Variants in MAST3 observed in about 807,000 individuals in gnomAD.
MAST3 encodes microtubule associated serine/threonine kinase 3, also known as microtubule-associated serine/threonine-protein kinase 3.
Under a neutral mutation model 127.0 loss-of-function variants are expected in MAST3, and 43 were observed. The observed-to-expected ratio is 0.34, with a 90% CI of 0.27 to 0.44. The LOEUF is 0.44. MAST3 is among the 20% of genes least tolerant of loss of function. MAST3 has a pLI of 1.00. For synonymous variants in MAST3, 785 were observed against 809.2 expected (o/e 0.97, Z 0.51); for missense variants, 1,390 against 1,919.1 (o/e 0.72, Z 5.15).
chr19:18,146,015 A>T (rs2042982263), intron 25 of MAST3, 150 bp downstream of exon 25: 1 of 1,019,054 alleles, frequency 9.8e-7, no homozygotes, highest in Non-Finnish European at 1.4e-6. Flanking sequence ...GGCCCAGAAT[A>T]CATGTCCTTC....
chr19:18,122,055 G>A, intron 5 of MAST3, 133 bp downstream of exon 5: 1 of 1,481,582 alleles, frequency 6.7e-7, no homozygotes, highest in Non-Finnish European at 9.0e-7. Flanking sequence ...CCCGTCTGGT[G>A]GTGGTCTCCC....
At chr19:18,135,917 C>T (rs749002338) in intron 18 of MAST3, 76 bp downstream of exon 18, 12 of 1,154,402 alleles carry the variant, frequency 1.0e-5, no homozygotes, top group South Asian at 1.4e-5. Context: ...GGATAGCGCC[C>T]GGGGTAGACA....
intron 1 of MAST3, among the ~76,000 whole-genome samples, chr19:18,103,789 G>T (rs1435934215): frequency 1.3e-5 from 2 of 152,288 alleles, no homozygotes; most frequent in Non-Finnish European, 2.9e-5. Context: ...AGGAGTGGGG[G>T]AGCCAGACTG....
intron 1 of MAST3, among the ~76,000 whole-genome samples, chr19:18,100,267 A>AGGCACATG (rs1290260431): frequency 6.6e-6 from 1 of 151,946 alleles, no homozygotes; most frequent in African/African-American, 2.4e-5. Context: ...CTGGGATTAC[A>AGGCACATG]GGCACATGTC....
At chr19:18,102,365 G>A (rs2037710229) in intron 1 of MAST3, among the ~76,000 whole-genome samples, 1 of 151,814 alleles carries the variant, frequency 6.6e-6, no homozygotes, top group Admixed American at 6.6e-5. Context: ...TTTTAGTAGA[G>A]ACGGGGTTTC....
intron 21 of MAST3, among the ~76,000 whole-genome samples, chr19:18,142,566 G>A (rs1231078149): frequency 3.3e-5 from 5 of 151,514 alleles, no homozygotes; most frequent in Non-Finnish European, 2.9e-5. Flanking sequence ...TAGCCAGGAT[G>A]GTCTCGGTCT....
intron 11 of MAST3, among the ~76,000 whole-genome samples, chr19:18,125,341 C>G (rs954587980): frequency 1.3e-5 from 2 of 152,194 alleles, no homozygotes; most frequent in Non-Finnish European, 2.9e-5. Flanking sequence ...TTCCCTTTGT[C>G]CTGCAAATTC....
intron 15 of MAST3, 110 bp from the exon 16 acceptor site, chr19:18,134,469 A>C (rs895823923): frequency 2.7e-5 from 38 of 1,396,046 alleles, no homozygotes; most frequent in Non-Finnish European, 3.5e-5. Flanking sequence ...AGGGCCCAGG[A>C]GTTGGAGGCA....
Position 18,145,003 on chromosome 19 carries a change from A to C in MAST3, c.2813A>C (p.Asp938Ala). 1 of 1,523,472 alleles carries C rather than the reference A, an allele frequency of 6.6e-7. No homozygotes were observed. Among genetic ancestry groups the C allele is most frequent in the Non-Finnish European group, 9.0e-7 (1 of 1,105,712 alleles). 94.4% of individuals were successfully genotyped at this position (1,523,472 alleles called of 1,614,324 possible). A position where few individuals can be genotyped will look rare whatever the true frequency, so the allele number is the denominator to read the frequency against. Residue 938 changes from aspartate to alanine, a missense_variant and splice_region_variant, in exon 24 of 28, where the codon GAT (aspartate) becomes GCT (alanine). Transcript: ENST00000687212. The surrounding 1 kb of genome is among the most constrained non-coding windows in gnomAD (Gnocchi z 5.9). ...VSALSLIITA[D>A]DGSGGPLMSP... ...TGACCCCCTCCCTAACCCCCTGCAG[A>C]TGATGGCAGCGGCGGCCCCCTCATG...
intron 1 of MAST3, among the ~76,000 whole-genome samples, chr19:18,099,641 G>A (rs2146742994): frequency 6.6e-6 from 1 of 152,276 alleles, no homozygotes; most frequent in African/African-American, 2.4e-5. Context: ...ACGCAGTTCC[G>A]GCTTCCTCTC....
Position 18,149,969 on chromosome 19 carries a change from TTATTAC to T in MAST3, c.*245_*250del. 2.4e-6 allele frequency: 1 copy of T among 413,042 alleles called. No homozygotes were observed. Among genetic ancestry groups the T allele is most frequent in the East Asian group, 4.8e-5 (1 of 20,684 alleles). The allele number at this position is 413,042 out of a possible 1,614,324, so 25.6% of individuals were successfully genotyped here. A position where few individuals can be genotyped will look rare whatever the true frequency, so the allele number is the denominator to read the frequency against. On this transcript the variant is annotated 3_prime_UTR_variant, in exon 28 of 28. Coordinates refer to ENST00000687212, the MANE Select transcript of MAST3 (RefSeq NM_001393504.1). The surrounding 1 kb of genome is among the most constrained non-coding windows in gnomAD (Gnocchi z 5.9). ...ATAGCAGCAAATCCCTGCAACTAATTTATTACTTTTTTTTTCTTTTTTTTTTTTTTT... is the reference window on the plus strand; with the variant it reads ...ATAGCAGCAAATCCCTGCAACTAATTTTTTTTTTTCTTTTTTTTTTTTTTT...
intron 17 of MAST3, 43 bp downstream of exon 17, chr19:18,135,025 C>CAG: frequency 6.4e-7 from 1 of 1,552,486 alleles, no homozygotes. Context: ...GCAGCCCCAC[C>CAG]AGAGCTCTGG....
intron 1 of MAST3, among the ~76,000 whole-genome samples, chr19:18,102,786 C>G (rs1173292969): frequency 6.6e-6 from 1 of 151,996 alleles, no homozygotes; most frequent in Non-Finnish European, 1.5e-5. Context: ...GGCTCAAACT[C>G]TTGATCTTAA....
At chr19:18,100,806 A>AG (rs2083473773) in intron 1 of MAST3, among the ~76,000 whole-genome samples, 1 of 152,168 alleles carries the variant, frequency 6.6e-6, no homozygotes, top group Non-Finnish European at 1.5e-5. Flanking sequence ...CCAGCCAATC[A>AG]GGGGGTAGAT....
intron 11 of MAST3, among the ~76,000 whole-genome samples, chr19:18,127,938 G>A (rs2040842845): frequency 6.6e-6 from 1 of 152,182 alleles, no homozygotes; most frequent in Non-Finnish European, 1.5e-5. Flanking sequence ...GGCTGAGCAG[G>A]GAATCAAACC....
In MAST3 at chr19:18,122,653, G is replaced by A. The variant is rs375720683; in HGVS notation, c.321-20G>A. On this transcript the variant is annotated intron_variant, in intron 5 of 27. Coordinates refer to ENST00000687212, the MANE Select transcript of MAST3 (RefSeq NM_001393504.1). ...CAGGGGCCAGGCCTTCCTTCCATCT[G>A]TTCTTGTTCCCCTCTCCAGGGCAGA... The A allele has an allele frequency of 3.7e-6, 6 of 1,608,350 alleles. No homozygotes were observed. In the African/African-American group the frequency reaches 5.3e-5, roughly 14 times the overall value.
In MAST3 at chr19:18,112,329, T is replaced by TTTTG. The variant is rs559171436; in HGVS notation, c.161+1609_161+1612dup. Among the ~76,000 whole-genome samples the TTTTG allele has an allele frequency of 2.8e-3, 424 of 152,090 alleles. No homozygotes were observed. The highest frequency in any genetic ancestry group is 5.8e-3 in the African/African-American group (239 of 41,484). The stretch of plus-strand genomic sequence containing the variant: ...GGCGTGCCACCACGCCCGGCTAATT[T>TTTTG]TTTGTTTGTTTGTTTGTTTGTTTGA... On this transcript the variant is annotated intron_variant, in intron 3 of 27. Coordinates refer to ENST00000687212, the MANE Select transcript of MAST3 (RefSeq NM_001393504.1). This position sits in a 1 kb window ranked among gnomAD's most constrained non-coding sequence, Gnocchi z 4.1.
Position 18,145,659 on chromosome 19 carries a change from G to A in MAST3, c.3040-84G>A, listed in dbSNP as rs1042404876. On this transcript the variant is annotated intron_variant, in intron 24 of 27. Transcript: ENST00000687212. This position sits in a 1 kb window ranked among gnomAD's most constrained non-coding sequence, Gnocchi z 5.9. The stretch of plus-strand genomic sequence containing the variant: ...AGCACAAGAGGCAGCAGCTTGCTGG[G>A]GTCCCACAGCAGACCCAGCCTGGGC... The A allele has an allele frequency of 1.4e-6, 2 of 1,435,828 alleles. No individual in the cohort carries two copies. The highest frequency in any genetic ancestry group is 5.7e-5 in the Admixed American group (2 of 35,194). The allele number at this position is 1,435,828 out of a possible 1,614,324, so 88.9% of individuals were successfully genotyped here. A position where few individuals can be genotyped will look rare whatever the true frequency, so the allele number is the denominator to read the frequency against.
At chr19:18,113,137 G>C (rs1194468809) in intron 3 of MAST3, among the ~76,000 whole-genome samples, 2 of 152,092 alleles carry the variant, frequency 1.3e-5, no homozygotes, top group Non-Finnish European at 2.9e-5. Context: ...ACTGAGAAAG[G>C]CCATAAGGCT....
Sources: allele counts gnomAD v4.1 joint callset (sites outside exome capture counted in the v4.1 genomes callset), GRCh38; gene constraint gnomAD v4.1.1; non-coding constraint Gnocchi (gnomAD v3.1); transcripts MANE v1.5; gene names NCBI Gene and HGNC (gene_info 2026-07-23, HGNC 2026-07-21).